PRKX: variants seen among roughly 807,000 people sequenced by gnomAD.
PRKX encodes the protein protein kinase cAMP-dependent X-linked catalytic subunit.
Under a neutral mutation model 22.0 loss-of-function variants are expected in PRKX, and 12 were observed. The observed-to-expected ratio is 0.54, with a 90% CI of 0.35 to 0.88. PRKX has a LOEUF of 0.88. PRKX is among the 40% of genes least tolerant of loss of function. The pLI is 0.01. For synonymous variants in PRKX, 134 were observed against 137.7 expected (o/e 0.97, Z 0.19); for missense variants, 217 against 308.0 (o/e 0.70, Z 2.21).
chrX:3,683,843 C>CA (rs989547191), intron 1 of PRKX, among the ~76,000 whole-genome samples: 6 of 105,998 alleles, frequency 5.7e-5, no homozygotes, highest in African/African-American at 2.1e-4. Context: ...TGTCTCAAAA[C>CA]AAAAAATGAC....
chrX:3,654,135 G>GTGATATGTA (rs1927424531), intron 3 of PRKX, among the ~76,000 whole-genome samples: 1 of 88,501 alleles, frequency 1.1e-5, no homozygotes, highest in Admixed American at 1.5e-4. Context: ...ATAGAGTATA[G>GTGATATGTA]TGATATGTAT....
In PRKX at chrX:3,618,435, C is replaced by T. The variant is rs144144910; in HGVS notation, c.874-2543G>A. On this transcript the variant is annotated intron_variant, in intron 6 of 8. Coordinates refer to ENST00000262848, the MANE Select transcript of PRKX (RefSeq NM_005044.5). Reference sequence around the variant, plus strand: ...GAGCTCGAGACCAGCCTGGGCAACACATCAAGACCCCAACTCTTAAAAACA... The same window carrying T: ...GAGCTCGAGACCAGCCTGGGCAACATATCAAGACCCCAACTCTTAAAAACA... 8.9e-3 allele frequency among the ~76,000 whole-genome samples: 899 copies of T among 101,304 alleles called. 3 individuals carry two copies. Among genetic ancestry groups the T allele is most frequent in the African/African-American group, 0.031 (852 of 27,668 alleles). 88.0% of individuals were successfully genotyped at this position (101,304 alleles called of 115,157 possible).
intron 8 of PRKX, among the ~76,000 whole-genome samples, chrX:3,610,622 G>A (rs370615672): frequency 5.4e-5 from 6 of 110,794 alleles, no homozygotes; most frequent in Middle Eastern, 9.2e-3. Flanking sequence ...TTATTCCTAC[G>A]TGTGGAATCT....
intron 2 of PRKX, among the ~76,000 whole-genome samples, chrX:3,672,815 T>G (rs971340640): frequency 1.8e-5 from 2 of 110,914 alleles, no homozygotes; most frequent in Admixed American, 1.9e-4. Context: ...GCCAGGAGTT[T>G]GAGACCAGCC....
At chrX:3,661,127 C>T (rs953341068) in intron 2 of PRKX, among the ~76,000 whole-genome samples, 2 of 111,336 alleles carry the variant, frequency 1.8e-5, no homozygotes, top group African/African-American at 6.5e-5. Context: ...TGCGGGATCA[C>T]CCTTCAGCAT....
chrX:3,621,597 A>G (rs1446473186), intron 5 of PRKX, among the ~76,000 whole-genome samples: 2 of 112,103 alleles, frequency 1.8e-5, no homozygotes, highest in East Asian at 2.8e-4. Context: ...GGTGAAATTT[A>G]TATGTGCCTG....
intron 8 of PRKX, among the ~76,000 whole-genome samples, chrX:3,611,686 GAAGT>G (rs1229371147): frequency 8.9e-6 from 1 of 111,923 alleles, no homozygotes; most frequent in African/African-American, 3.2e-5. Flanking sequence ...AAGGCTCAAA[GAAGT>G]AATAGACTCA....
chrX:3,617,848 G>A (rs1263155825), intron 6 of PRKX, among the ~76,000 whole-genome samples: 1 of 110,017 alleles, frequency 9.1e-6, no homozygotes, highest in Non-Finnish European at 1.9e-5. Context: ...GCTGCCAGGC[G>A]TGTAACAGTC....
chrX:3,641,234 T>C (rs1927072376), intron 4 of PRKX, among the ~76,000 whole-genome samples: 1 of 111,438 alleles, frequency 9.0e-6, no homozygotes, highest in South Asian at 3.8e-4. Context: ...TGCTGGGGTG[T>C]GGGTCGGGAC....
chrX:3,632,805 T>C (rs1176340468), intron 4 of PRKX, among the ~76,000 whole-genome samples: 1 of 112,138 alleles, frequency 8.9e-6, no homozygotes, highest in Non-Finnish European at 1.9e-5. Flanking sequence ...GGAGAATAAA[T>C]TCTCATTATA....
At chrX:3,687,999 A>G (rs1314567001) in intron 1 of PRKX, among the ~76,000 whole-genome samples, 1 of 112,052 alleles carries the variant, frequency 8.9e-6, no homozygotes, top group Non-Finnish European at 1.9e-5. Context: ...TGGGCGTGAC[A>G]GCACATGCCT....
intron 2 of PRKX, among the ~76,000 whole-genome samples, chrX:3,674,193 C>T (rs1290952726): frequency 2.7e-5 from 3 of 111,035 alleles, no homozygotes; most frequent in Non-Finnish European, 5.7e-5. Context: ...CCAACGAAAC[C>T]TGAAGCCCAG....
chrX:3,617,214 AATAT>A (rs1926444359), intron 6 of PRKX, among the ~76,000 whole-genome samples: 1 of 107,326 alleles, frequency 9.3e-6, no homozygotes, highest in Admixed American at 1.0e-4. Context: ...CATACACGTT[AATAT>A]ATACACATGT....
At chrX:3,651,699 G>A (rs1181769308) in intron 3 of PRKX, among the ~76,000 whole-genome samples, 4 of 111,204 alleles carry the variant, frequency 3.6e-5, no homozygotes, top group African/African-American at 6.5e-5. Flanking sequence ...AAATGCAGAC[G>A]GTTTTACAAT....
rs150368139 is a variant in PRKX at position 3,708,523 on chromosome X, G to T, written c.166+4565C>A. Among the ~76,000 whole-genome samples, 367 of 108,176 alleles carry T rather than the reference G, an allele frequency of 3.4e-3. 2 individuals carry two copies. Among genetic ancestry groups the T allele is most frequent in the African/African-American group, 0.012 (353 of 29,685 alleles). 93.9% of individuals were successfully genotyped at this position (108,176 alleles called of 115,157 possible). On this transcript the variant is annotated intron_variant, in intron 1 of 8. Transcript: ENST00000262848. ...ATTATGAAGATCTCCTAGCTCTTAA[G>T]AAAATAAAATATTTTCAGATTGTAT...
At chrX:3,682,843 T>C (rs1260809110) in intron 1 of PRKX, among the ~76,000 whole-genome samples, 1 of 110,248 alleles carries the variant, frequency 9.1e-6, no homozygotes, top group Non-Finnish European at 1.9e-5. Flanking sequence ...TGAGACCTCA[T>C]TTGGGAAAAG....
chrX:3,645,656 G>A (rs1927173297), intron 3 of PRKX, among the ~76,000 whole-genome samples: 1 of 112,641 alleles, frequency 8.9e-6, no homozygotes, highest in African/African-American at 3.2e-5. Context: ...AAACAGGCTG[G>A]GTACAGTGGC....
intron 3 of PRKX, among the ~76,000 whole-genome samples, chrX:3,649,360 G>T (rs771065657): frequency 9.4e-5 from 10 of 106,623 alleles, no homozygotes; most frequent in Admixed American, 8.3e-4. Context: ...AATAATTCTA[G>T]TTTGCCACCA....
chrX:3,709,288 G>A (rs1603475000), intron 1 of PRKX, among the ~76,000 whole-genome samples: 1 of 110,388 alleles, frequency 9.1e-6, no homozygotes, highest in East Asian at 2.8e-4. Context: ...ATATGAAGAC[G>A]TCACCATGGG....
Sources: allele counts gnomAD v4.1 joint callset (sites outside exome capture counted in the v4.1 genomes callset), GRCh38; gene constraint gnomAD v4.1.1; transcripts MANE v1.5; gene names NCBI Gene and HGNC (gene_info 2026-07-23, HGNC 2026-07-21).